PHYHIPL: variants seen among roughly 807,000 people sequenced by gnomAD.
PHYHIPL encodes the protein phytanoyl-CoA 2-hydroxylase interacting protein like.
In PHYHIPL, 9 loss-of-function variants were observed where a neutral mutation model predicts 33.4. The observed-to-expected ratio is 0.27, with a 90% CI of 0.16 to 0.47. PHYHIPL has a LOEUF of 0.47. Ranked by LOEUF, PHYHIPL falls within the 20% of genes least tolerant of loss-of-function variation. The pLI, the probability that PHYHIPL is intolerant of heterozygous loss-of-function variation, is 0.99. For synonymous variants in PHYHIPL, 153 were observed against 154.1 expected (o/e 0.99, Z 0.05); for missense variants, 365 against 460.7 (o/e 0.79, Z 1.90).
At chr10:59,224,500 A>AAAAC (rs879272977) in intron 1 of PHYHIPL, among the ~76,000 whole-genome samples, 109 of 120,842 alleles carry the variant, frequency 9.0e-4, no homozygotes, top group Admixed American at 2.1e-3. Flanking sequence ...CAAAACAAAA[A>AAAAC]ACAAAACAAA....
intron 1 of PHYHIPL, among the ~76,000 whole-genome samples, chr10:59,207,609 C>T (rs1020937170): frequency 6.6e-6 from 1 of 152,018 alleles, no homozygotes; most frequent in Non-Finnish European, 1.5e-5. Context: ...AAGGCAGCAG[C>T]GGCCAGGCAC....
intron 1 of PHYHIPL, among the ~76,000 whole-genome samples, chr10:59,199,907 G>A (rs1297584068): frequency 1.3e-5 from 2 of 152,128 alleles, no homozygotes; most frequent in African/African-American, 2.4e-5. Context: ...CCTTGATTTT[G>A]TATCCTGAGG....
intron 1 of PHYHIPL, among the ~76,000 whole-genome samples, chr10:59,200,756 C>G (rs1052860347): frequency 6.6e-6 from 1 of 151,986 alleles, no homozygotes; most frequent in Non-Finnish European, 1.5e-5. Flanking sequence ...GTCTATTTAG[C>G]CATTCAACTT....
At chr10:59,176,146 G>A (rs189668798), upstream of PHYHIPL, among the ~76,000 whole-genome samples, 180 of 152,330 alleles carry the variant, frequency 1.2e-3, 1 homozygote, top group African/African-American at 4.0e-3. Context: ...CAGGGTGCGG[G>A]CAGCGAGTAT....
intron 1 of PHYHIPL, among the ~76,000 whole-genome samples, chr10:59,226,488 T>C (rs2133269351): frequency 6.6e-6 from 1 of 152,086 alleles, no homozygotes; most frequent in Non-Finnish European, 1.5e-5. Context: ...GTGGATGTAA[T>C]GAAAATGGTT....
At chr10:59,229,338 C>T (rs144097013) in intron 1 of PHYHIPL, among the ~76,000 whole-genome samples, 1 of 152,236 alleles carries the variant, frequency 6.6e-6, no homozygotes, top group East Asian at 1.9e-4. Context: ...CACATGTATA[C>T]ATCTATAACG....
In PHYHIPL at chr10:59,247,454, T is replaced by G. The variant is rs1274049342; in HGVS notation, c.*1863T>G. On this transcript the variant is annotated 3_prime_UTR_variant, in exon 5 of 5. Coordinates refer to ENST00000373880, the MANE Select transcript of PHYHIPL (RefSeq NM_032439.4). ...TTCCCCCCGTTTAAATCCCTTCTCCTTGTATATAATTAAACTTGCTATTCC... is the reference window on the plus strand; with the variant it reads ...TTCCCCCCGTTTAAATCCCTTCTCCGTGTATATAATTAAACTTGCTATTCC... 6.0e-6 allele frequency: 5 copies of G among 839,112 alleles called. No homozygotes were observed. Among genetic ancestry groups the G allele is most frequent in the Non-Finnish European group, 9.4e-6 (5 of 530,544 alleles). The allele number at this position is 839,112 out of a possible 1,614,324, so 52.0% of individuals were successfully genotyped here.
chr10:59,185,902 C>G (rs1216696652), intron 1 of PHYHIPL, among the ~76,000 whole-genome samples: 2 of 151,984 alleles, frequency 1.3e-5, no homozygotes, highest in African/African-American at 4.8e-5. Context: ...AAATTTTCTC[C>G]CATTCTGTAT....
intron 3 of PHYHIPL, among the ~76,000 whole-genome samples, chr10:59,238,006 G>A (rs1415698832): frequency 2.6e-5 from 4 of 151,802 alleles, no homozygotes; most frequent in Non-Finnish European, 4.4e-5. Context: ...GGTTTCTTCT[G>A]TTTAGAAATT....
At position 59,176,683 on chromosome 10, in the gene PHYHIPL, C is replaced by T. The variant is rs1288186760; in HGVS notation, c.-171C>T. 11 of 594,678 alleles carry T rather than the reference C, an allele frequency of 1.8e-5. No homozygotes were observed. The highest frequency in any genetic ancestry group is 6.1e-5 in the East Asian group (2 of 32,906). 36.8% of individuals were successfully genotyped at this position (594,678 alleles called of 1,614,324 possible). A position where few individuals can be genotyped will look rare whatever the true frequency, so the allele number is the denominator to read the frequency against. ...GCGGAGCTCCTGCCACAGCCGTCGC[C>T]TTCGCGGCGGCTCTCCAGCCCCGCG... On this transcript the variant is annotated 5_prime_UTR_variant, in exon 1 of 5. Coordinates refer to ENST00000373880, the MANE Select transcript of PHYHIPL (RefSeq NM_032439.4).
upstream of PHYHIPL, among the ~76,000 whole-genome samples, chr10:59,173,944 T>G (rs1256565796): frequency 7.2e-5 from 8 of 110,928 alleles, no homozygotes; most frequent in African/African-American, 1.3e-4. Context: ...TTTTTTTTTT[T>G]TTTTTTTTTT....
chr10:59,174,366 C>T (rs1838216684), upstream of PHYHIPL, among the ~76,000 whole-genome samples: 1 of 152,060 alleles, frequency 6.6e-6, no homozygotes, highest in African/African-American at 2.4e-5. Flanking sequence ...ACTAAGATAC[C>T]TTGTCTTTAC....
At chr10:59,186,890 A>G (rs949412348) in intron 1 of PHYHIPL, among the ~76,000 whole-genome samples, 1 of 152,212 alleles carries the variant, frequency 6.6e-6, no homozygotes, top group Non-Finnish European at 1.5e-5. Context: ...TTCTAGATAT[A>G]CAATCATGTC....
At chr10:59,238,471 CTATT>C in intron 3 of PHYHIPL, 113 bp from the exon 4 acceptor site, 2 of 498,930 alleles carry the variant, frequency 4.0e-6, no homozygotes, top group East Asian at 6.1e-5. Context: ...ATGGAATTTC[CTATT>C]TATTAAGTTG....
rs779045546 is a variant in PHYHIPL, at chr10:59,245,048, C to G, written c.597-9C>G. The G allele has an allele frequency of 6.3e-7, 1 of 1,595,238 alleles. No homozygotes were observed. The highest frequency in any genetic ancestry group is 1.8e-5 in the Admixed American group (1 of 56,988). ...GTATTAAGCAGTGACCACTTGTTTT[C>G]TCTTGCAGAGAACATCATGGGAATG... On this transcript the variant is annotated splice_polypyrimidine_tract_variant and intron_variant, in intron 4 of 4. Coordinates refer to ENST00000373880, the MANE Select transcript of PHYHIPL (RefSeq NM_032439.4).
At chr10:59,177,129 C>G in intron 1 of PHYHIPL, 170 bp downstream of exon 1, 1 of 639,430 alleles carries the variant, frequency 1.6e-6, no homozygotes, top group Non-Finnish European at 2.6e-6. Flanking sequence ...CCCCTCACCC[C>G]AGAAACAAAA....
chr10:59,232,488 A>G (rs1341368642), intron 1 of PHYHIPL, among the ~76,000 whole-genome samples: 1 of 151,996 alleles, frequency 6.6e-6, no homozygotes, highest in Non-Finnish European at 1.5e-5. Flanking sequence ...AAAATCCAAA[A>G]AACAAAGTAT....
chr10:59,179,220 T>G (rs1178009246), intron 1 of PHYHIPL, among the ~76,000 whole-genome samples: 2 of 151,974 alleles, frequency 1.3e-5, no homozygotes, highest in Non-Finnish European at 2.9e-5. Flanking sequence ...CAAACAGACC[T>G]TACTTAGCAT....
At chr10:59,243,386 A>C (rs916412467) in intron 4 of PHYHIPL, among the ~76,000 whole-genome samples, 5 of 152,196 alleles carry the variant, frequency 3.3e-5, no homozygotes, top group Admixed American at 2.6e-4. Flanking sequence ...TCCTAAAGGA[A>C]GTTTCTGAAA....
Sources: gnomAD v4.1 joint callset for allele counts (sites outside exome capture counted in the v4.1 genomes callset) on GRCh38, gnomAD v4.1.1 for gene constraint, MANE v1.5 for transcripts, NCBI Gene and HGNC (gene_info 2026-07-23, HGNC 2026-07-21) for gene names.